Variants in USH2A observed in about 807,000 individuals in gnomAD.
USH2A encodes Usher syndrome 2A (autosomal recessive, mild).
A neutral mutation model predicts 538.9 loss-of-function variants in USH2A; 443 were observed. That is an observed-to-expected ratio of 0.82 (90% CI 0.76 to 0.89). The LOEUF is 0.89. USH2A is among the 40% of genes least tolerant of loss of function. The pLI is 0.00. For synonymous variants in USH2A, 2,413 were observed against 2,273.5 expected (o/e 1.06, Z -1.75); for missense variants, 6,633 against 6,324.8 (o/e 1.05, Z -1.65).
chr1:215,844,208 A>G, intron 46 of USH2A, 86 bp downstream of exon 46: 1 of 1,364,114 alleles, frequency 7.3e-7, no homozygotes, highest in Non-Finnish European at 1.0e-6. Context: ...TGTAACCAAG[A>G]CAGAAGATAT....
At position 215,624,370 on chromosome 1, in the gene USH2A, T is replaced by C. The variant is rs1655920927; in HGVS notation, c.*1411A>G. On this transcript the variant is annotated 3_prime_UTR_variant, in exon 72 of 72. Transcript: ENST00000307340. The stretch of plus-strand genomic sequence containing the variant: ...TACTGTTGGGCCCTGGGGTAATACA[T>C]TGTTTTCAGGCAGAATAAGTAAGAC... 1 of 152,104 alleles carries C rather than the reference T, an allele frequency of 6.6e-6. No homozygotes were observed. The highest frequency in any genetic ancestry group is 1.5e-5 in the Non-Finnish European group (1 of 68,014). The allele number at this position is 152,104 out of a possible 1,614,324, so 9.4% of individuals were successfully genotyped here.
At chr1:216,281,825 T>A (rs2036784296) in intron 11 of USH2A, among the ~76,000 whole-genome samples, 1 of 149,350 alleles carries the variant, frequency 6.7e-6, no homozygotes, top group African/African-American at 2.4e-5. Flanking sequence ...ATGAGAAGAC[T>A]CCAATTTCTC....
chr1:215,775,864 T>C (rs941555521), intron 55 of USH2A, among the ~76,000 whole-genome samples: 1 of 152,238 alleles, frequency 6.6e-6, no homozygotes, highest in African/African-American at 2.4e-5. Flanking sequence ...AGTAAATTAT[T>C]CTTTCCTTGC....
chr1:215,681,121 T>G (rs2102672675), intron 61 of USH2A, among the ~76,000 whole-genome samples: 1 of 152,320 alleles, frequency 6.6e-6, no homozygotes, highest in South Asian at 2.1e-4. Flanking sequence ...AGGGATAGCC[T>G]AATTAGGATT....
chr1:215,806,118 T>C (rs1430874645), intron 49 of USH2A, among the ~76,000 whole-genome samples: 1 of 151,906 alleles, frequency 6.6e-6, no homozygotes, highest in African/African-American at 2.4e-5. Flanking sequence ...AGAAGATTGA[T>C]ACTGGTGGTA....
At chr1:216,417,371 G>T (rs893471774) in intron 3 of USH2A, among the ~76,000 whole-genome samples, 1 of 152,022 alleles carries the variant, frequency 6.6e-6, no homozygotes, top group African/African-American at 2.4e-5. Context: ...CTGGATGGAT[G>T]CTCATATGAG....
intron 32 of USH2A, among the ~76,000 whole-genome samples, chr1:216,031,262 C>T (rs1400884491): frequency 6.6e-6 from 1 of 151,958 alleles, no homozygotes; most frequent in Admixed American, 6.6e-5. Flanking sequence ...AGGCTTTACC[C>T]CATAATTGAG....
intron 61 of USH2A, among the ~76,000 whole-genome samples, chr1:215,680,931 T>C (rs558400524): frequency 2.9e-4 from 44 of 152,068 alleles, no homozygotes; most frequent in Non-Finnish European, 6.2e-4. Flanking sequence ...AAGAAAACAG[T>C]AACAAGCCAA....
In USH2A at chr1:215,790,241, T is replaced by C; in HGVS notation, c.10000A>G (p.Thr3334Ala). The change falls in exon 51 of 72, where the codon ACC (threonine) becomes GCC (alanine). Residue 3334 changes from threonine to alanine, a missense_variant. Physicochemically the swap from Thr to Ala is moderately conservative, Grantham distance 58. Transcript: ENST00000307340. ...CCACTGGAAGCTGAGCAGCATATGG[T>C]ATCTGACATATTCACATAATCCTGC... ...CGQDYVNMSD[T>A]ICCSASSGES... 2 of 1,614,082 alleles carry C rather than the reference T, an allele frequency of 1.2e-6. No homozygotes were observed. Among genetic ancestry groups the C allele is most frequent in the Non-Finnish European group, 1.7e-6 (2 of 1,180,002 alleles).
chr1:216,114,135 A>G (rs2032944120), intron 21 of USH2A, among the ~76,000 whole-genome samples: 1 of 152,000 alleles, frequency 6.6e-6, no homozygotes, highest in African/African-American at 2.4e-5. Context: ...AGTACTTATT[A>G]TATATTTAAT....
chr1:215,869,330 T>C (rs1664564473), intron 43 of USH2A, among the ~76,000 whole-genome samples: 1 of 152,136 alleles, frequency 6.6e-6, no homozygotes, highest in African/African-American at 2.4e-5. Flanking sequence ...ATAGTAATAA[T>C]AACAATCATA....
chr1:216,233,370 A>C (rs1558333625), intron 13 of USH2A, among the ~76,000 whole-genome samples: 1 of 152,128 alleles, frequency 6.6e-6, no homozygotes, highest in African/African-American at 2.4e-5. Flanking sequence ...AACTTTCCCT[A>C]GGCCAGGCTA....
chr1:215,998,755 C>A (rs1025985495), intron 34 of USH2A, 132 bp downstream of exon 34: 1 of 931,574 alleles, frequency 1.1e-6, no homozygotes, highest in Non-Finnish European at 1.7e-6. Flanking sequence ...AGAGAGTTTT[C>A]AGTATAAACA....
intron 35 of USH2A, among the ~76,000 whole-genome samples, chr1:215,978,730 T>A (rs1667679593): frequency 6.6e-6 from 1 of 152,146 alleles, no homozygotes; most frequent in Non-Finnish European, 1.5e-5. Context: ...TCACTCTGGC[T>A]AAAGAAGTGT....
At chr1:215,895,243 A>T (rs898547557) in intron 40 of USH2A, among the ~76,000 whole-genome samples, 5 of 152,202 alleles carry the variant, frequency 3.3e-5, no homozygotes, top group Non-Finnish European at 7.3e-5. Context: ...CAGTACTTTG[A>T]GTAAGAATTT....
chr1:215,785,680 T>C (rs1196972607), intron 52 of USH2A, among the ~76,000 whole-genome samples: 2 of 152,290 alleles, frequency 1.3e-5, no homozygotes, highest in South Asian at 2.1e-4. Context: ...GTACCTAGTA[T>C]AACATTGAGA....
chr1:215,649,431 T>C (rs1393408134), intron 65 of USH2A, among the ~76,000 whole-genome samples: 1 of 152,210 alleles, frequency 6.6e-6, no homozygotes, highest in Non-Finnish European at 1.5e-5. Context: ...GAAACTGAAA[T>C]TAATGTTCAT....
At chr1:215,853,459 C>T (rs1410108785) in intron 44 of USH2A, among the ~76,000 whole-genome samples, 1 of 152,192 alleles carries the variant, frequency 6.6e-6, no homozygotes, top group Non-Finnish European at 1.5e-5. Flanking sequence ...ACATTTTCCC[C>T]ATTGTCTTGG....
intron 47 of USH2A, among the ~76,000 whole-genome samples, chr1:215,835,073 A>T (rs1663437153): frequency 7.5e-6 from 1 of 133,862 alleles, no homozygotes. Context: ...TGAGGCTATA[A>T]TTTTTTTTCC....
Sources: gnomAD v4.1 joint callset for allele counts (sites outside exome capture counted in the v4.1 genomes callset) on GRCh38, gnomAD v4.1.1 for gene constraint, MANE v1.5 for transcripts, NCBI Gene and HGNC (gene_info 2026-07-23, HGNC 2026-07-21) for gene names.